ZFAND3: variants seen among roughly 807,000 people sequenced by gnomAD.
The protein encoded by ZFAND3 is zinc finger AN1-type containing 3, also known as AN1-type zinc finger protein 3.
ZFAND3 carries 10 observed loss-of-function variants against 29.6 expected under a neutral mutation model. The ratio of observed to expected loss-of-function variants is 0.34; its 90% CI spans 0.21 to 0.57. The LOEUF is 0.57. Among genes scored for constraint, ZFAND3 ranks in the 20% least tolerant of loss-of-function variants. The pLI, the probability that ZFAND3 is intolerant of heterozygous loss-of-function variation, is 0.86. For synonymous variants in ZFAND3, 128 were observed against 112.6 expected (o/e 1.14, Z -0.87); for missense variants, 230 against 304.5 (o/e 0.76, Z 1.82).
At chr6:37,911,333 A>G (rs1765517565) in intron 1 of ZFAND3, among the ~76,000 whole-genome samples, 1 of 152,062 alleles carries the variant, frequency 6.6e-6, no homozygotes, top group African/African-American at 2.4e-5. Context: ...AGCTATTTGT[A>G]TGTCGTCTTT....
intron 2 of ZFAND3, among the ~76,000 whole-genome samples, chr6:37,974,398 C>CTTTTT (rs1467229897): frequency 1.3e-4 from 12 of 89,610 alleles, no homozygotes; most frequent in African/African-American, 4.7e-4. Flanking sequence ...CTCTCTCTCT[C>CTTTTT]TCTCTTTTTT....
chr6:37,940,663 A>G (rs773603466), intron 2 of ZFAND3, among the ~76,000 whole-genome samples: 2 of 152,236 alleles, frequency 1.3e-5, no homozygotes, highest in Non-Finnish European at 2.9e-5. Flanking sequence ...CAGTGATGGC[A>G]GAAGGCCAAG....
chr6:37,907,251 A>G (rs3844314), intron 1 of ZFAND3, among the ~76,000 whole-genome samples: 32,532 of 151,950 alleles, frequency 0.21, 4,292 homozygotes, highest in African/African-American at 0.36. Context: ...TGTAATTTAC[A>G]TGCCATAAAA....
chr6:38,133,740 ACT>A, intron 5 of ZFAND3, among the ~76,000 whole-genome samples: 1 of 150,238 alleles, frequency 6.7e-6, no homozygotes, highest in African/African-American at 2.5e-5. Flanking sequence ...ACAGAGCAAG[ACT>A]CTGTCTCAAA....
At chr6:37,891,118 A>G (rs1765089269) in intron 1 of ZFAND3, among the ~76,000 whole-genome samples, 1 of 152,196 alleles carries the variant, frequency 6.6e-6, no homozygotes, top group Admixed American at 6.5e-5. Flanking sequence ...CTTGCTGTCT[A>G]AAATTTCCTT....
chr6:37,849,603 T>C (rs1581707004), intron 1 of ZFAND3, among the ~76,000 whole-genome samples: 1 of 151,820 alleles, frequency 6.6e-6, no homozygotes, highest in Admixed American at 6.6e-5. Context: ...AGAGACGGGG[T>C]TTCACCATAT....
intron 2 of ZFAND3, among the ~76,000 whole-genome samples, chr6:37,938,947 T>C (rs994138835): frequency 6.6e-6 from 1 of 152,178 alleles, no homozygotes; most frequent in Non-Finnish European, 1.5e-5. Context: ...ACTAGGTCTT[T>C]TAAGATAGTT....
At chr6:37,873,465 G>A (rs1764735030) in intron 1 of ZFAND3, among the ~76,000 whole-genome samples, 1 of 152,204 alleles carries the variant, frequency 6.6e-6, no homozygotes. Context: ...GATCATTTAT[G>A]CGGTTGTGAT....
intron 2 of ZFAND3, among the ~76,000 whole-genome samples, chr6:38,029,377 T>C (rs1763506759): frequency 6.6e-6 from 1 of 152,230 alleles, no homozygotes; most frequent in Non-Finnish European, 1.5e-5. Context: ...TTTGACTTTA[T>C]TTCTACTAAA....
chr6:38,138,857 T>C (rs777642594), intron 5 of ZFAND3, among the ~76,000 whole-genome samples: 1 of 152,192 alleles, frequency 6.6e-6, no homozygotes, highest in Non-Finnish European at 1.5e-5. Flanking sequence ...TTCCTAGCAT[T>C]ATTCTAGTCA....
At chr6:38,001,734 T>A (rs1052273534) in intron 2 of ZFAND3, among the ~76,000 whole-genome samples, 54 of 152,170 alleles carry the variant, frequency 3.5e-4, no homozygotes, top group African/African-American at 1.3e-3. Flanking sequence ...AAAACCTCTT[T>A]CAGAACATGG....
At chr6:37,999,590 A>G (rs532894272) in intron 2 of ZFAND3, among the ~76,000 whole-genome samples, 1 of 152,354 alleles carries the variant, frequency 6.6e-6, no homozygotes, top group South Asian at 2.1e-4. Flanking sequence ...CTCCAATCCC[A>G]TTAATCCAGT....
chr6:38,143,769 CTA>C (rs56736658), intron 5 of ZFAND3, among the ~76,000 whole-genome samples: 4,126 of 152,258 alleles, frequency 0.027, 178 homozygotes, highest in African/African-American at 0.093. Flanking sequence ...CAGCAGAGCA[CTA>C]TGTCAGCCAA....
intron 2 of ZFAND3, among the ~76,000 whole-genome samples, chr6:38,016,561 T>C (rs371175104): frequency 2.0e-5 from 3 of 152,226 alleles, no homozygotes; most frequent in East Asian, 3.8e-4. Flanking sequence ...TGGATAAGCT[T>C]GCTTTTTAAA....
intron 3 of ZFAND3, among the ~76,000 whole-genome samples, chr6:38,070,973 T>G (rs1452591635): frequency 6.6e-6 from 1 of 151,978 alleles, no homozygotes; most frequent in African/African-American, 2.4e-5. Context: ...ATTAGCAATT[T>G]ATAAGTCTCC....
At chr6:38,004,894 G>T (rs2645127) in intron 2 of ZFAND3, among the ~76,000 whole-genome samples, 4 of 152,040 alleles carry the variant, frequency 2.6e-5, no homozygotes, top group Admixed American at 1.3e-4. Flanking sequence ...AGTTCTTTTG[G>T]GGGGCTCAGT....
chr6:37,965,096 A>G (rs566505554), intron 2 of ZFAND3, among the ~76,000 whole-genome samples: 1 of 152,342 alleles, frequency 6.6e-6, no homozygotes, highest in Non-Finnish European at 1.5e-5. Context: ...GTATTTTTGT[A>G]AAGTACAATA....
rs116081183 is a variant in ZFAND3, at chr6:38,081,037, T to C, written c.296-1355T>C. Among the ~76,000 whole-genome samples the C allele has an allele frequency of 6.7e-4, 102 of 152,306 alleles. 1 individual carries two copies. Among genetic ancestry groups the C allele is most frequent in the Admixed American group, 1.4e-3 (21 of 15,282 alleles). The stretch of plus-strand genomic sequence containing the variant: ...AGTAATACAAGCCAATGATGAATGT[T>C]CTCCTTCCTCATTACATATAGCCTT... On this transcript the variant is annotated intron_variant, in intron 3 of 5. Transcript: ENST00000287218.
At chr6:37,921,120 C>CA (rs1224085668) in intron 1 of ZFAND3, among the ~76,000 whole-genome samples, 3 of 152,094 alleles carry the variant, frequency 2.0e-5, no homozygotes, top group Non-Finnish European at 4.4e-5. Flanking sequence ...TCCTCTTACC[C>CA]ATCCCTCCCC....
Sources: gnomAD v4.1 joint callset for allele counts (sites outside exome capture counted in the v4.1 genomes callset) on GRCh38, gnomAD v4.1.1 for gene constraint, MANE v1.5 for transcripts, NCBI Gene and HGNC (gene_info 2026-07-23, HGNC 2026-07-21) for gene names.